Variants in IRF2 observed in about 807,000 individuals in gnomAD.
IRF2 encodes interferon regulatory factor 2.
Under a neutral mutation model 40.6 loss-of-function variants are expected in IRF2, and 15 were observed. The ratio of observed to expected loss-of-function variants is 0.37; its 90% confidence interval spans 0.25 to 0.57. IRF2 has a LOEUF of 0.57. IRF2 is among the 20% of genes least tolerant of loss of function. The pLI, the probability that IRF2 is intolerant of heterozygous loss-of-function variation, is 0.77. For missense variants in IRF2, 317 were observed against 455.7 expected (o/e 0.70, Z 2.77); for synonymous variants, 151 against 165.5 (o/e 0.91, Z 0.67).
At chr4:184,406,774 GC>G (rs1736873621) in intron 6 of IRF2, among the ~76,000 whole-genome samples, 1 of 152,144 alleles carries the variant, frequency 6.6e-6, no homozygotes, top group African/African-American at 2.4e-5. Flanking sequence ...GCTCTCCTGT[GC>G]CTTCAGGAGC....
Position 184,419,581 on chromosome 4 carries a change from A to G in IRF2, c.88-13T>C. Reference sequence around the variant, plus strand: ...AAATCTTCTTTTCCTGAAAAAAAAAAAAAAAAAAAAGGTAAAGAACTGGAG... The same window carrying G: ...AAATCTTCTTTTCCTGAAAAAAAAAGAAAAAAAAAAGGTAAAGAACTGGAG... On this transcript the variant is annotated splice_polypyrimidine_tract_variant and intron_variant, in intron 2 of 8. Transcript: ENST00000393593. 1.3e-6 allele frequency: 2 copies of G among 1,569,184 alleles called. No individual in the cohort carries two copies. Among genetic ancestry groups the G allele is most frequent in the South Asian group, 1.1e-5 (1 of 88,080 alleles).
At chr4:184,432,903 G>C (rs572867881) in intron 1 of IRF2, among the ~76,000 whole-genome samples, 1 of 152,256 alleles carries the variant, frequency 6.6e-6, no homozygotes, top group South Asian at 2.1e-4. Flanking sequence ...TGAGACTTCT[G>C]ACCTCCAGAA....
intron 1 of IRF2, among the ~76,000 whole-genome samples, chr4:184,447,667 C>T (rs747556454): frequency 6.6e-6 from 1 of 152,178 alleles, no homozygotes. Context: ...AAATCAAAAG[C>T]ATGTATCACC....
At chr4:184,456,469 G>A (rs1162026375) in intron 1 of IRF2, among the ~76,000 whole-genome samples, 2 of 152,248 alleles carry the variant, frequency 1.3e-5, no homozygotes, top group East Asian at 3.9e-4. Context: ...CGGGGAACGT[G>A]AGAGCCGCGG....
chr4:184,433,396 C>G (rs558417972), intron 1 of IRF2, among the ~76,000 whole-genome samples: 14 of 152,272 alleles, frequency 9.2e-5, no homozygotes, highest in Admixed American at 6.5e-4. Flanking sequence ...TTTGGCCATT[C>G]TGATAGACTC....
intron 1 of IRF2, among the ~76,000 whole-genome samples, chr4:184,442,559 C>T (rs1283306473): frequency 1.3e-5 from 2 of 152,164 alleles, no homozygotes; most frequent in South Asian, 2.1e-4. Context: ...CCATAGAAGA[C>T]AAACGCGCCA....
chr4:184,406,278 G>A (rs28582387), intron 6 of IRF2, among the ~76,000 whole-genome samples: 4,586 of 148,676 alleles, frequency 0.031, 263 homozygotes, highest in African/African-American at 0.11. Flanking sequence ...CACCCAGGCT[G>A]GAGCGCAGTG....
chr4:184,464,114 T>C (rs991610824), intron 1 of IRF2, among the ~76,000 whole-genome samples: 1 of 151,880 alleles, frequency 6.6e-6, no homozygotes, highest in Non-Finnish European at 1.5e-5. Context: ...AGATAGACAA[T>C]GTACAGCATA....
At chr4:184,406,332 C>A (rs1187644964) in intron 6 of IRF2, among the ~76,000 whole-genome samples, 1 of 151,230 alleles carries the variant, frequency 6.6e-6, no homozygotes, top group East Asian at 1.9e-4. Context: ...TGGGTTCAAT[C>A]GATTCTCCTG....
chr4:184,426,763 G>T (rs528167363), intron 2 of IRF2, among the ~76,000 whole-genome samples: 1 of 152,292 alleles, frequency 6.6e-6, no homozygotes, highest in South Asian at 2.1e-4. Context: ...AAAACTAGTG[G>T]AGGTATTTTT....
At chr4:184,457,613 A>G (rs1352034721) in intron 1 of IRF2, among the ~76,000 whole-genome samples, 1 of 152,182 alleles carries the variant, frequency 6.6e-6, no homozygotes, top group Non-Finnish European at 1.5e-5. Context: ...TTTTGTACCT[A>G]TTCATCATTT....
At chr4:184,401,073 G>A (rs377238855) in intron 6 of IRF2, among the ~76,000 whole-genome samples, 5 of 152,200 alleles carry the variant, frequency 3.3e-5, no homozygotes, top group East Asian at 1.9e-4. Context: ...GTCCAGACTC[G>A]CACAGCTTGG....
chr4:184,416,332 A>C (rs61696499), intron 5 of IRF2, among the ~76,000 whole-genome samples: 16,308 of 146,514 alleles, frequency 0.11, 792 homozygotes, highest in East Asian at 0.25. Context: ...AAAAAACAAA[A>C]AAAAAAAAAA....
chr4:184,401,744 G>C (rs1169900454), intron 6 of IRF2, among the ~76,000 whole-genome samples: 11 of 152,344 alleles, frequency 7.2e-5, no homozygotes, highest in Admixed American at 1.3e-4. Flanking sequence ...TGGGGTGTGA[G>C]AGTTTGAGGA....
chr4:184,423,697 C>A (rs1487806881), intron 2 of IRF2, among the ~76,000 whole-genome samples: 1 of 152,160 alleles, frequency 6.6e-6, no homozygotes, highest in Non-Finnish European at 1.5e-5. Context: ...TGCCTCCTTC[C>A]TTCCTCAAGA....
At chr4:184,440,815 G>A (rs1271635999) in intron 1 of IRF2, among the ~76,000 whole-genome samples, 1 of 152,134 alleles carries the variant, frequency 6.6e-6, no homozygotes, top group Non-Finnish European at 1.5e-5. Flanking sequence ...TCTTAGACTA[G>A]ATGGGTGGGA....
At chr4:184,419,159 G>A (rs1737389547) in intron 3 of IRF2, among the ~76,000 whole-genome samples, 1 of 152,100 alleles carries the variant, frequency 6.6e-6, no homozygotes, top group African/African-American at 2.4e-5. Context: ...CCTTTTTGGG[G>A]GGGAGATAAA....
intron 1 of IRF2, among the ~76,000 whole-genome samples, chr4:184,450,914 C>A (rs1329758360): frequency 6.6e-6 from 1 of 152,166 alleles, no homozygotes; most frequent in African/African-American, 2.4e-5. Context: ...AGTACGTAAG[C>A]AACTGCTCCA....
intron 7 of IRF2, among the ~76,000 whole-genome samples, chr4:184,397,534 A>G (rs1280556607): frequency 6.6e-6 from 1 of 152,164 alleles, no homozygotes. Context: ...TAAAAGTGAA[A>G]AAAAAAAGAA....
Sources: gnomAD v4.1 joint callset for allele counts (sites outside exome capture counted in the v4.1 genomes callset) on GRCh38, gnomAD v4.1.1 for gene constraint, MANE v1.5 for transcripts, NCBI Gene and HGNC (gene_info 2026-07-23, HGNC 2026-07-21) for gene names.